Variants in PDE4D observed in about 807,000 individuals in gnomAD.
PDE4D encodes phosphodiesterase 4D.
A neutral mutation model predicts 87.4 loss-of-function variants in PDE4D; 24 were observed. The observed-to-expected ratio is 0.27, with a 90% CI of 0.20 to 0.39. The LOEUF is 0.39. PDE4D is among the 10% of genes least tolerant of loss of function. The pLI, the probability that PDE4D is intolerant of heterozygous loss-of-function variation, is 1.00. For synonymous variants in PDE4D, 384 were observed against 383.2 expected (o/e 1.00, Z -0.02); for missense variants, 714 against 1,041.0 (o/e 0.69, Z 4.32).
chr5:59,439,354 T>A (rs906101247), intron 1 of PDE4D, among the ~76,000 whole-genome samples: 2 of 116,048 alleles, frequency 1.7e-5, no homozygotes, highest in African/African-American at 7.3e-5. Flanking sequence ...AGCAAGACTC[T>A]GTCAAAAAAA....
chr5:59,091,659 A>G lies in PDE4D; in HGVS notation c.809-52688T>C, dbSNP rs182026112. Reference sequence around the variant, plus strand: ...AAGTAGGAAAAGTAAAAGTAAAGTCAAGATAGTGGTGACCTATCTGGAGAG... The same window carrying G: ...AAGTAGGAAAAGTAAAAGTAAAGTCGAGATAGTGGTGACCTATCTGGAGAG... On this transcript the variant is annotated intron_variant, in intron 5 of 14. Transcript: ENST00000340635. Among the ~76,000 whole-genome samples, 16 of 152,260 alleles carry G rather than the reference A, an allele frequency of 1.1e-4. No homozygotes were observed. In the East Asian group the frequency reaches 3.1e-3, roughly 29 times the overall value.
chr5:59,339,257 G>A (rs1778283165), intron 1 of PDE4D, among the ~76,000 whole-genome samples: 1 of 152,174 alleles, frequency 6.6e-6, no homozygotes, highest in Admixed American at 6.5e-5. Flanking sequence ...AGCAAAAAGT[G>A]AGTTATCTGA....
At chr5:60,293,467 C>T (rs1043044528) in intron 1 of PDE4D, among the ~76,000 whole-genome samples, 3 of 151,938 alleles carry the variant, frequency 2.0e-5, no homozygotes, top group Non-Finnish European at 2.9e-5. Context: ...TGAGCAGAGA[C>T]GGCGCCACTG....
chr5:60,278,821 T>G (rs984905502), intron 1 of PDE4D, among the ~76,000 whole-genome samples: 3 of 152,154 alleles, frequency 2.0e-5, no homozygotes, highest in African/African-American at 7.2e-5. Context: ...GGTGTTCAGA[T>G]TTGCTCATTG....
intron 2 of PDE4D, among the ~76,000 whole-genome samples, chr5:60,184,300 A>G (rs902453069): frequency 6.6e-6 from 1 of 152,140 alleles, no homozygotes; most frequent in African/African-American, 2.4e-5. Flanking sequence ...AAAACATTAT[A>G]TGAATAGTTT....
intron 3 of PDE4D, among the ~76,000 whole-genome samples, chr5:59,938,007 A>G (rs1756787198): frequency 6.6e-6 from 1 of 152,194 alleles, no homozygotes; most frequent in Non-Finnish European, 1.5e-5. Flanking sequence ...TTTTATTCCA[A>G]TCTAATTTCC....
intron 1 of PDE4D, among the ~76,000 whole-genome samples, chr5:59,376,459 T>C (rs933409853): frequency 6.6e-6 from 1 of 151,924 alleles, no homozygotes; most frequent in Admixed American, 6.6e-5. Flanking sequence ...ATAAAATACC[T>C]AGGAATACAG....
At chr5:59,192,724 C>T (rs1237949723) in intron 3 of PDE4D, among the ~76,000 whole-genome samples, 1 of 152,162 alleles carries the variant, frequency 6.6e-6, no homozygotes, top group African/African-American at 2.4e-5. Flanking sequence ...TCAGTTTTAT[C>T]TCATTCCGCC....
intron 1 of PDE4D, among the ~76,000 whole-genome samples, chr5:59,684,617 GT>G (rs1346220855): frequency 6.6e-6 from 1 of 152,164 alleles, no homozygotes; most frequent in African/African-American, 2.4e-5. Context: ...AGATCTAACA[GT>G]CTCTGTGTGG....
At chr5:60,040,449 T>C (rs1768344089) in intron 2 of PDE4D, among the ~76,000 whole-genome samples, 4 of 152,202 alleles carry the variant, frequency 2.6e-5, no homozygotes, top group Admixed American at 2.6e-4. Context: ...TAGAATAACA[T>C]TGTCCTAATT....
intron 1 of PDE4D, among the ~76,000 whole-genome samples, chr5:59,225,273 T>C (rs1753508771): frequency 6.6e-6 from 1 of 152,220 alleles, no homozygotes; most frequent in Non-Finnish European, 1.5e-5. Context: ...CTTTTCTTCA[T>C]TGTATATTCT....
At chr5:60,422,824 G>C (rs776122376) in intron 1 of PDE4D, among the ~76,000 whole-genome samples, 5 of 152,112 alleles carry the variant, frequency 3.3e-5, no homozygotes, top group African/African-American at 9.7e-5. Flanking sequence ...GAAACATATA[G>C]GTTCAAAATA....
At chr5:59,507,482 C>T (rs776811521) in intron 1 of PDE4D, among the ~76,000 whole-genome samples, 12 of 151,390 alleles carry the variant, frequency 7.9e-5, no homozygotes, top group Non-Finnish European at 1.2e-4. Context: ...GGCAACAAAG[C>T]GAGACCCAGT....
At chr5:60,186,836 T>C (rs951969460) in intron 1 of PDE4D, among the ~76,000 whole-genome samples, 4 of 152,154 alleles carry the variant, frequency 2.6e-5, no homozygotes, top group African/African-American at 9.7e-5. Flanking sequence ...AAAGTAACTA[T>C]GTATCATTTT....
At chr5:60,277,322 A>C (rs1751475363) in intron 1 of PDE4D, among the ~76,000 whole-genome samples, 1 of 152,154 alleles carries the variant, frequency 6.6e-6, no homozygotes, top group Admixed American at 6.5e-5. Flanking sequence ...TCAAAAAAGA[A>C]GAAGTAAAAT....
intron 5 of PDE4D, among the ~76,000 whole-genome samples, chr5:59,088,530 G>A (rs949664710): frequency 6.6e-6 from 1 of 152,106 alleles, no homozygotes; most frequent in African/African-American, 2.4e-5. Context: ...ATTAACAATA[G>A]CAAAGACATA....
At position 59,655,346 on chromosome 5, in the gene PDE4D, A is replaced by G. The variant is rs762792455; in HGVS notation, c.455+237822T>C. Among the ~76,000 whole-genome samples the G allele has an allele frequency of 2.6e-5, 4 of 152,180 alleles. No homozygotes were observed. The South Asian group carries it at 8.3e-4, about 31-fold the overall frequency. On this transcript the variant is annotated intron_variant, in intron 1 of 14. Transcript: ENST00000340635. ...ATACAATGTTCCAAATATTGCCAAT[A>G]AAAATTAACTTAATTCCTTGAAGGT...
intron 1 of PDE4D, among the ~76,000 whole-genome samples, chr5:60,515,680 G>T (rs1462048217): frequency 7.0e-6 from 1 of 142,192 alleles, no homozygotes; most frequent in African/African-American, 2.8e-5. Context: ...AACCCATTAT[G>T]TATGATACGG....
intron 1 of PDE4D, among the ~76,000 whole-genome samples, chr5:59,341,629 T>C (rs373677713): frequency 1.3e-5 from 2 of 152,328 alleles, no homozygotes; most frequent in African/African-American, 4.8e-5. Context: ...ATAATGCGTA[T>C]GCAAACACAC....
Sources: gnomAD v4.1 joint callset for allele counts (sites outside exome capture counted in the v4.1 genomes callset) on GRCh38, gnomAD v4.1.1 for gene constraint, MANE v1.5 for transcripts, NCBI Gene and HGNC (gene_info 2026-07-23, HGNC 2026-07-21) for gene names.